The following ATXN10 variants were observed in gnomAD, a reference collection of about 807,000 sequenced individuals.
The protein encoded by ATXN10 is ataxin-10.
ATXN10 carries 28 observed loss-of-function variants against 52.9 expected under a neutral mutation model. The observed-to-expected ratio is 0.53, with a 90% CI of 0.39 to 0.73. ATXN10 has a LOEUF of 0.73. ATXN10 is among the 30% of genes least tolerant of loss of function. The pLI is 0.00. For missense variants in ATXN10, 565 were observed against 577.0 expected (o/e 0.98, Z 0.21); for synonymous variants, 226 against 221.5 (o/e 1.02, Z -0.18).
chr22:45,677,303 A>T lies in ATXN10; in HGVS notation c.116+5124A>T, dbSNP rs1205708479. On this transcript the variant is annotated intron_variant, in intron 1 of 11. Transcript: ENST00000252934. The surrounding 1 kb of genome is among the most constrained non-coding windows in gnomAD (Gnocchi z 4.1). ...TCTAGCATAGAGTTGATAGTGGCAG[A>T]TGCTTATCAGTTTCTTGTGGAGTTG... is the stretch of plus-strand genomic sequence containing the variant. The T allele has an allele frequency of 6.6e-6, 1 of 152,210 alleles. No individual in the cohort carries two copies. Among genetic ancestry groups the T allele is most frequent in the East Asian group, 1.9e-4 (1 of 5,202 alleles). 9.4% of individuals were successfully genotyped at this position (152,210 alleles called of 1,614,324 possible).
chr22:45,753,744 C>G (rs932743295), intron 9 of ATXN10, among the ~76,000 whole-genome samples: 11 of 152,028 alleles, frequency 7.2e-5, no homozygotes, highest in African/African-American at 2.7e-4. Flanking sequence ...ACTTGGGATT[C>G]TAGTACCACA....
chr22:45,768,668 A>G (rs554092048), intron 9 of ATXN10, among the ~76,000 whole-genome samples: 2 of 152,342 alleles, frequency 1.3e-5, no homozygotes, highest in Admixed American at 6.5e-5. Context: ...ACAAACAGCC[A>G]GCTTGCTCAG....
chr22:45,746,248 G>A (rs1298911550), intron 9 of ATXN10, among the ~76,000 whole-genome samples: 2 of 150,540 alleles, frequency 1.3e-5, no homozygotes, highest in Non-Finnish European at 3.0e-5. Flanking sequence ...TTTTGGTGGG[G>A]TGTACTATTT....
intron 9 of ATXN10, among the ~76,000 whole-genome samples, chr22:45,752,557 G>GGTTGGA (rs1926016985): frequency 1.4e-5 from 2 of 141,038 alleles, no homozygotes; most frequent in Non-Finnish European, 3.0e-5. Context: ...TTGGGGTTGG[G>GGTTGGA]GTTGGGGTTG....
intron 9 of ATXN10, among the ~76,000 whole-genome samples, chr22:45,777,373 T>G (rs1926997283): frequency 6.6e-6 from 1 of 152,202 alleles, no homozygotes; most frequent in South Asian, 2.1e-4. Flanking sequence ...TGATCTAGAG[T>G]ATATGTTCAA....
chr22:45,752,962 G>T (rs1253796472), intron 9 of ATXN10, among the ~76,000 whole-genome samples: 3 of 151,940 alleles, frequency 2.0e-5, no homozygotes, highest in Non-Finnish European at 4.4e-5. Context: ...TTGAACTCCC[G>T]ACCTCAGGTA....
intron 7 of ATXN10, among the ~76,000 whole-genome samples, chr22:45,730,115 G>T (rs970383893): frequency 6.6e-6 from 1 of 152,102 alleles, no homozygotes; most frequent in Non-Finnish European, 1.5e-5. Context: ...AGGCCAAGGC[G>T]GGAGGATCGC....
Position 45,772,482 on chromosome 22 carries a change from A to G in ATXN10, c.1173+31944A>G, listed in dbSNP as rs536311634. Among the ~76,000 whole-genome samples the G allele has an allele frequency of 1.3e-5, 2 of 152,368 alleles. No individual in the cohort carries two copies. The highest frequency in any genetic ancestry group is 4.1e-4 in the South Asian group (2 of 4,830). ...ACATTGTCTTTATTACTGTCAATTTACAGTAAATCTTAAAATTGGGTAGTG... is the reference window on the plus strand; with the variant it reads ...ACATTGTCTTTATTACTGTCAATTTGCAGTAAATCTTAAAATTGGGTAGTG... On this transcript the variant is annotated intron_variant, in intron 9 of 11. Coordinates refer to ENST00000252934, the MANE Select transcript of ATXN10 (RefSeq NM_013236.4). This position sits in a 1 kb window ranked among gnomAD's most constrained non-coding sequence, Gnocchi z 4.1.
At position 45,715,411 on chromosome 22, in the gene ATXN10, C is replaced by T. The variant is rs1360108837; in HGVS notation, c.648-3002C>T. The stretch of plus-strand genomic sequence containing the variant: ...ACTGATGTTTTATACATTATATAAA[C>T]ATGATGATATGGATCAAGTTTGTCC... On this transcript the variant is annotated intron_variant, in intron 5 of 11. Coordinates refer to ENST00000252934, the MANE Select transcript of ATXN10 (RefSeq NM_013236.4). The surrounding 1 kb of genome is among the most constrained non-coding windows in gnomAD (Gnocchi z 4.4). Among the ~76,000 whole-genome samples the T allele has an allele frequency of 6.6e-6, 1 of 152,178 alleles. No homozygotes were observed. Among genetic ancestry groups the T allele is most frequent in the Non-Finnish European group, 1.5e-5 (1 of 68,034 alleles).
chr22:45,772,822 A>G lies in ATXN10; in HGVS notation c.1173+32284A>G, dbSNP rs955860719. On this transcript the variant is annotated intron_variant, in intron 9 of 11. Transcript: ENST00000252934. The surrounding 1 kb of genome is among the most constrained non-coding windows in gnomAD (Gnocchi z 4.1). ...GTTGCTTGGTACCCATGGGGTATTC[A>G]TTCCAGGACCCCTGTGGCTACCAAA... is the stretch of plus-strand genomic sequence containing the variant. Among the ~76,000 whole-genome samples the G allele has an allele frequency of 2.0e-5, 3 of 152,192 alleles. No homozygotes were observed. Among genetic ancestry groups the G allele is most frequent in the African/African-American group, 7.2e-5 (3 of 41,450 alleles).
intron 7 of ATXN10, among the ~76,000 whole-genome samples, chr22:45,737,497 T>C (rs1445705599): frequency 6.6e-6 from 1 of 152,184 alleles, no homozygotes; most frequent in Non-Finnish European, 1.5e-5. Context: ...CTTAACTCTT[T>C]AGCAAAAGAA....
At position 45,823,931 on chromosome 22, in the gene ATXN10, G is replaced by A. The variant is rs136022; in HGVS notation, c.1237+16909G>A. Among the ~76,000 whole-genome samples the A allele has an allele frequency of 0.066, 10,038 of 152,234 alleles. 999 individuals are homozygous for A. The highest frequency in any genetic ancestry group is 0.22 in the African/African-American group (9,177 of 41,476). On this transcript the variant is annotated intron_variant, in intron 10 of 11. Coordinates refer to ENST00000252934, the MANE Select transcript of ATXN10 (RefSeq NM_013236.4). The surrounding 1 kb of genome is among the most constrained non-coding windows in gnomAD (Gnocchi z 4.9). ...CTCTGTGCCCTCAGCATCTTGTGAC[G>A]TGCCCTTGCTGGGTCTGTCGCTTGT... is the stretch of plus-strand genomic sequence containing the variant.
intron 1 of ATXN10, 137 bp downstream of exon 1, chr22:45,672,316 C>G (rs577876339): frequency 2.8e-5 from 28 of 993,866 alleles, no homozygotes; most frequent in Admixed American, 4.9e-5. Context: ...GCTGCCTGAG[C>G]GCCACCCAGG....
At chr22:45,738,695 A>T in intron 7 of ATXN10, 36 bp from the exon 8 acceptor site, 1 of 1,518,262 alleles carries the variant, frequency 6.6e-7, no homozygotes, top group Non-Finnish European at 9.1e-7. Flanking sequence ...TTTCTCTTAA[A>T]ATATGCTAAA....
rs1401194607 is a variant in ATXN10 at position 45,837,440 on chromosome 22, A to G, written c.1238-5551A>G. 6.6e-6 allele frequency among the ~76,000 whole-genome samples: 1 copy of G among 151,720 alleles called. No homozygotes were observed. Among genetic ancestry groups the G allele is most frequent in the Non-Finnish European group, 1.5e-5 (1 of 67,942 alleles). On this transcript the variant is annotated intron_variant, in intron 10 of 11. Coordinates refer to ENST00000252934, the MANE Select transcript of ATXN10 (RefSeq NM_013236.4). The surrounding 1 kb of genome is among the most constrained non-coding windows in gnomAD (Gnocchi z 5.8). ...GCACGCCCAGCTGATTTTTTTGTATATTTAGTAGAGATGGGGTTTTACCAT... is the reference window on the plus strand; with the variant it reads ...GCACGCCCAGCTGATTTTTTTGTATGTTTAGTAGAGATGGGGTTTTACCAT...
At chr22:45,713,065 A>G (rs544891136) in intron 5 of ATXN10, among the ~76,000 whole-genome samples, 2 of 151,972 alleles carry the variant, frequency 1.3e-5, no homozygotes, top group Non-Finnish European at 1.5e-5. Flanking sequence ...ATGGATATGG[A>G]TAATAGATGA....
In ATXN10 at chr22:45,744,080, T is replaced by C. The variant is rs1397253406; in HGVS notation, c.1173+3542T>C. ...GGGGTCCTCTTATCCTTGTTTCTGA[T>C]TCACCCATTCATCAAATACGAATGT... is the stretch of plus-strand genomic sequence containing the variant. On this transcript the variant is annotated intron_variant, in intron 9 of 11. Transcript: ENST00000252934. The surrounding 1 kb of genome is among the most constrained non-coding windows in gnomAD (Gnocchi z 4.9). Among the ~76,000 whole-genome samples the C allele has an allele frequency of 1.3e-5, 2 of 152,200 alleles. No individual in the cohort carries two copies. The highest frequency in any genetic ancestry group is 2.9e-5 in the Non-Finnish European group (2 of 68,040).
At chr22:45,704,338 T>C (rs1030086874) in intron 5 of ATXN10, among the ~76,000 whole-genome samples, 2 of 151,938 alleles carry the variant, frequency 1.3e-5, no homozygotes, top group African/African-American at 4.8e-5. Flanking sequence ...GGAATTTTGA[T>C]AAGAATTACA....
At chr22:45,746,584 G>A (rs569896591) in intron 9 of ATXN10, among the ~76,000 whole-genome samples, 4 of 152,160 alleles carry the variant, frequency 2.6e-5, no homozygotes, top group South Asian at 2.1e-4. Context: ...AAAATAGGCC[G>A]GGGTGGCATG....
Sources: allele counts gnomAD v4.1 joint callset (sites outside exome capture counted in the v4.1 genomes callset), GRCh38; gene constraint gnomAD v4.1.1; non-coding constraint Gnocchi (gnomAD v3.1); transcripts MANE v1.5; gene names NCBI Gene and HGNC (gene_info 2026-07-23, HGNC 2026-07-21).